KALRN: variants seen among roughly 807,000 people sequenced by gnomAD.
The protein encoded by KALRN is kalirin.
A neutral mutation model predicts 353.7 loss-of-function variants in KALRN; 70 were observed. The ratio of observed to expected loss-of-function variants is 0.20; its 90% CI spans 0.16 to 0.24. The LOEUF (loss-of-function observed/expected upper bound fraction) is 0.24, where lower values mean the gene tolerates loss of function less well. Ranked by LOEUF, KALRN falls within the 10% of genes least tolerant of loss-of-function variation. The pLI, the probability that KALRN is intolerant of heterozygous loss-of-function variation, is 1.00. For synonymous variants in KALRN, 1,391 were observed against 1,434.8 expected (o/e 0.97, Z 0.69); for missense variants, 2,791 against 3,756.7 (o/e 0.74, Z 6.72).
At chr3:124,665,329 G>T (rs886442086) in intron 45 of KALRN, among the ~76,000 whole-genome samples, 4 of 152,226 alleles carry the variant, frequency 2.6e-5, no homozygotes, top group Non-Finnish European at 4.4e-5. Flanking sequence ...TCCCTTTGAA[G>T]CTGTGAAGAT....
intron 48 of KALRN, among the ~76,000 whole-genome samples, chr3:124,673,249 G>T (rs1195228389): frequency 8.7e-5 from 13 of 149,890 alleles, no homozygotes; most frequent in African/African-American, 3.2e-4. Flanking sequence ...AAAAAAATTA[G>T]CCAGGCACGG....
rs79612136 is a variant in KALRN, at chr3:124,402,262, A to T, written c.2346+3391A>T. On this transcript the variant is annotated intron_variant, in intron 13 of 59. Coordinates refer to ENST00000682506, the MANE Select transcript of KALRN (RefSeq NM_001388419.1). ...TGGAATGAGATCATAGGGCATGCCC[A>T]CATAAAGTGAAACATCCTAAATTTG... is the stretch of plus-strand genomic sequence containing the variant. Among the ~76,000 whole-genome samples the T allele has an allele frequency of 2.9e-4, 44 of 152,360 alleles. No individual in the cohort carries two copies. The East Asian group carries it at 7.7e-3, about 27-fold the overall frequency.
intron 2 of KALRN, 126 bp from the exon 3 acceptor site, chr3:124,234,703 G>T: frequency 1.4e-6 from 1 of 704,304 alleles, no homozygotes; most frequent in Non-Finnish European, 2.4e-6. Context: ...CCTAAGCAGT[G>T]ACCAGATTTC....
At chr3:124,586,249 A>C (rs1229979642) in intron 34 of KALRN, among the ~76,000 whole-genome samples, 1 of 152,194 alleles carries the variant, frequency 6.6e-6, no homozygotes, top group African/African-American at 2.4e-5. Context: ...AGCGCGGAGG[A>C]AGCAGGAAAT....
At chr3:124,405,770 A>G (rs932428178) in intron 13 of KALRN, among the ~76,000 whole-genome samples, 5 of 150,588 alleles carry the variant, frequency 3.3e-5, no homozygotes, top group African/African-American at 1.2e-4. Flanking sequence ...CAGCCTCCTG[A>G]GTAGCTGGGA....
intron 33 of KALRN, among the ~76,000 whole-genome samples, chr3:124,559,343 G>T (rs571445210): frequency 1.3e-5 from 2 of 152,316 alleles, no homozygotes; most frequent in East Asian, 3.9e-4. Context: ...ACAAGGAGTT[G>T]GATGGTGACT....
intron 48 of KALRN, among the ~76,000 whole-genome samples, chr3:124,673,637 A>T (rs2086785389): frequency 6.6e-6 from 1 of 151,976 alleles, no homozygotes; most frequent in African/African-American, 2.4e-5. Flanking sequence ...TAGAATATAT[A>T]TGTATATACT....
At chr3:124,252,252 C>G (rs2071276089) in intron 3 of KALRN, among the ~76,000 whole-genome samples, 1 of 152,056 alleles carries the variant, frequency 6.6e-6, no homozygotes, top group African/African-American at 2.4e-5. Context: ...AATCTCCTCA[C>G]TTTATAGACC....
chr3:124,660,145 C>G (rs2084650307), intron 43 of KALRN, among the ~76,000 whole-genome samples: 2 of 152,008 alleles, frequency 1.3e-5, no homozygotes, highest in South Asian at 4.1e-4. Flanking sequence ...GTTGCTCAGG[C>G]TGGTCTCAAA....
Position 124,139,026 on chromosome 3 carries a change from G to A in KALRN, c.74-88964G>A, listed in dbSNP as rs184217147. Among the ~76,000 whole-genome samples, 107 of 152,278 alleles carry A rather than the reference G, an allele frequency of 7.0e-4. No individual in the cohort carries two copies. The South Asian group carries it at 0.014, about 20-fold the overall frequency. On this transcript the variant is annotated intron_variant, in intron 1 of 59. Transcript: ENST00000682506. ...TAAATGGTGCAAGAGTGGGGACCGGGGAGCATATGGGAGGACTTGCAGCAG... is the reference window on the plus strand; with the variant it reads ...TAAATGGTGCAAGAGTGGGGACCGGAGAGCATATGGGAGGACTTGCAGCAG...
intron 33 of KALRN, among the ~76,000 whole-genome samples, chr3:124,549,325 A>G (rs561563640): frequency 0.015 from 2,161 of 140,234 alleles, 21 homozygotes; most frequent in East Asian, 0.076. Context: ...AAGCCAACAC[A>G]CACACACACA....
At position 124,083,177 on chromosome 3, in the gene KALRN, T is replaced by G. The variant is rs189023880; in HGVS notation, c.73+49364T>G. 3.0e-4 allele frequency among the ~76,000 whole-genome samples: 46 copies of G among 152,342 alleles called. No individual in the cohort carries two copies. The East Asian group carries it at 8.9e-3, about 29-fold the overall frequency. On this transcript the variant is annotated intron_variant, in intron 1 of 59. Coordinates refer to ENST00000682506, the MANE Select transcript of KALRN (RefSeq NM_001388419.1). The stretch of plus-strand genomic sequence containing the variant: ...TTGTTGAGTGAATGAAAGCTGCCCT[T>G]CATCTATTCCCCTTTCATTTATTCA...
chr3:124,080,262 TA>T (rs1196257312), intron 1 of KALRN, among the ~76,000 whole-genome samples: 1 of 152,176 alleles, frequency 6.6e-6, no homozygotes. Context: ...AACTTTTTTT[TA>T]AAAAGCTAAA....
At chr3:124,630,429 C>T (rs1194937080) in intron 34 of KALRN, among the ~76,000 whole-genome samples, 1 of 151,410 alleles carries the variant, frequency 6.6e-6, no homozygotes, top group Non-Finnish European at 1.5e-5. Context: ...TGGAGTCTCC[C>T]TCTGTCACCC....
At chr3:124,554,593 T>C (rs780263106) in intron 33 of KALRN, among the ~76,000 whole-genome samples, 1 of 152,252 alleles carries the variant, frequency 6.6e-6, no homozygotes, top group Non-Finnish European at 1.5e-5. Flanking sequence ...GAGGATTTTA[T>C]AGTGTTACTG....
chr3:124,282,185 C>T (rs889502875), intron 5 of KALRN, among the ~76,000 whole-genome samples: 6 of 151,956 alleles, frequency 3.9e-5, no homozygotes, highest in African/African-American at 9.7e-5. Context: ...CCAAGGCCTT[C>T]GTGTTAGGAG....
At chr3:124,675,872 A>G (rs1254402517) in intron 49 of KALRN, among the ~76,000 whole-genome samples, 2 of 152,174 alleles carry the variant, frequency 1.3e-5, no homozygotes, top group Non-Finnish European at 2.9e-5. Flanking sequence ...TGGCACCAGC[A>G]TAACTGCACT....
At chr3:124,111,570 T>A (rs373277283) in intron 1 of KALRN, among the ~76,000 whole-genome samples, 6 of 152,326 alleles carry the variant, frequency 3.9e-5, no homozygotes, top group East Asian at 1.9e-4. Context: ...ACCAACTGTG[T>A]CTATCACAGT....
At chr3:124,364,213 G>A (rs1215704836) in intron 10 of KALRN, among the ~76,000 whole-genome samples, 1 of 152,148 alleles carries the variant, frequency 6.6e-6, no homozygotes, top group Non-Finnish European at 1.5e-5. Flanking sequence ...ATTACTTATG[G>A]TTCTTGCCTA....
Sources: allele counts gnomAD v4.1 joint callset (sites outside exome capture counted in the v4.1 genomes callset), GRCh38; gene constraint gnomAD v4.1.1; transcripts MANE v1.5; gene names NCBI Gene and HGNC (gene_info 2026-07-23, HGNC 2026-07-21).